Variants in HK1 observed in about 807,000 individuals in gnomAD.
The protein encoded by HK1 is hexokinase 1.
In HK1, 28 loss-of-function variants were observed where a neutral mutation model predicts 91.6. That is an observed-to-expected ratio of 0.31 (90% CI 0.23 to 0.42). The LOEUF is 0.42. Among genes scored for constraint, HK1 ranks in the 10% least tolerant of loss-of-function variants. The pLI is 1.00. For synonymous variants in HK1, 430 were observed against 468.1 expected (o/e 0.92, Z 1.05); for missense variants, 770 against 1,219.8 (o/e 0.63, Z 5.49).
At chr10:69,297,371 G>C (rs1845617690) in intron 4 of HK1, among the ~76,000 whole-genome samples, 1 of 152,150 alleles carries the variant, frequency 6.6e-6, no homozygotes, top group South Asian at 2.1e-4. Flanking sequence ...TCTCAGGGGT[G>C]GCAGAGGCAG....
At chr10:69,294,849 G>A (rs1411506792) in intron 3 of HK1, among the ~76,000 whole-genome samples, 5 of 151,846 alleles carry the variant, frequency 3.3e-5, no homozygotes, top group Non-Finnish European at 5.9e-5. Flanking sequence ...GCAACAGAGC[G>A]AGACTCCATC....
intron 4 of HK1, among the ~76,000 whole-genome samples, chr10:69,365,767 G>A (rs1010194640): frequency 1.3e-5 from 2 of 152,190 alleles, no homozygotes; most frequent in African/African-American, 4.8e-5. Flanking sequence ...TTGGGAGATC[G>A]AGGCTGCTGT....
chr10:69,398,684 T>C lies in HK1; in HGVS notation c.2465T>C (p.Val822Ala), dbSNP rs1242621241. The C allele has an allele frequency of 2.5e-6, 4 of 1,614,090 alleles. No homozygotes were observed. The highest frequency in any genetic ancestry group is 1.3e-5 in the African/African-American group (1 of 74,922). Reference protein sequence around the residue: ...TCDDSILVKTVCGVVSRRAAQ... With the variant: ...TCDDSILVKTACGVVSRRAAQ... ...GATGACAGTATCCTCGTCAAGACAG[T>C]GTGCGGGGTGGTGTCCAGGAGGGCC... Residue 822 changes from valine to alanine, a missense_variant, in exon 17 of 18, where the codon GTG becomes GCG. Physicochemically the swap from Val to Ala is moderately conservative, Grantham distance 64 (BLOSUM62 0). Coordinates refer to ENST00000359426, the MANE Select transcript of HK1 (RefSeq NM_000188.3).
intron 1 of HK1, among the ~76,000 whole-genome samples, chr10:69,324,145 T>A (rs1847195935): frequency 6.6e-6 from 1 of 152,210 alleles, no homozygotes; most frequent in Non-Finnish European, 1.5e-5. Flanking sequence ...GTATGCTTAT[T>A]GATTTGAAAA....
intron 1 of HK1, among the ~76,000 whole-genome samples, chr10:69,333,238 G>C (rs566388952): frequency 6.6e-6 from 1 of 152,356 alleles, no homozygotes; most frequent in South Asian, 2.1e-4. Context: ...CACCACTGCA[G>C]TATCTCCAAG....
chr10:69,288,681 C>A, exon 3 of HK1: 1 of 1,542,542 alleles, frequency 6.5e-7, no homozygotes, highest in South Asian at 1.1e-5. Flanking sequence ...GCGTTCAAGA[C>A]CCAGCTGTTG....
chr10:69,294,217 C>T (rs1039650617), intron 3 of HK1, among the ~76,000 whole-genome samples: 1 of 152,084 alleles, frequency 6.6e-6, no homozygotes, highest in Non-Finnish European at 1.5e-5. Context: ...TCCTATGAGC[C>T]CAAGCAAGTC....
rs895433132 is a variant in HK1, at chr10:69,340,035, C to G, written c.64-3792C>G. On this transcript the variant is annotated intron_variant, in intron 1 of 17. Coordinates refer to ENST00000359426, the MANE Select transcript of HK1 (RefSeq NM_000188.3). Reference sequence around the variant, plus strand: ...CACAAGAGAATTATATAGTATTATTCCAGGATCCAGCATTGTTTGAATTCC... The same window carrying G: ...CACAAGAGAATTATATAGTATTATTGCAGGATCCAGCATTGTTTGAATTCC... 1.1e-4 allele frequency among the ~76,000 whole-genome samples: 16 copies of G among 152,222 alleles called. 1 individual carries two copies. In the East Asian group the frequency reaches 3.1e-3, roughly 29 times the overall value.
intron 3 of HK1, among the ~76,000 whole-genome samples, chr10:69,363,658 C>T (rs182235307): frequency 4.6e-5 from 7 of 152,276 alleles, no homozygotes; most frequent in African/African-American, 1.7e-4. Flanking sequence ...GGATTACAGA[C>T]GTGAGCCACC....
intron 5 of HK1, among the ~76,000 whole-genome samples, chr10:69,303,687 G>A (rs987999552): frequency 1.2e-4 from 17 of 146,938 alleles, no homozygotes; most frequent in Non-Finnish European, 1.5e-5. Flanking sequence ...TCCTGGACAA[G>A]CTCCCAAACT....
chr10:69,373,317 G>A (rs1850114706), intron 7 of HK1, among the ~76,000 whole-genome samples: 1 of 152,198 alleles, frequency 6.6e-6, no homozygotes, highest in Non-Finnish European at 1.5e-5. Flanking sequence ...CAGTGGACAG[G>A]GAGGACATTG....
At chr10:69,321,493 C>T (rs1201348475) in intron 1 of HK1, among the ~76,000 whole-genome samples, 3 of 152,158 alleles carry the variant, frequency 2.0e-5, no homozygotes, top group Non-Finnish European at 2.9e-5. Flanking sequence ...AGGATGGTTC[C>T]CCCCCAGCGT....
At chr10:69,318,610 G>A (rs1358127190), upstream of HK1, among the ~76,000 whole-genome samples, 1 of 152,276 alleles carries the variant, frequency 6.6e-6, no homozygotes, top group South Asian at 2.1e-4. Context: ...GGGTCGGGGG[G>A]GATTTCGCTG....
At chr10:69,345,587 C>T (rs961355157) in intron 2 of HK1, among the ~76,000 whole-genome samples, 2 of 152,046 alleles carry the variant, frequency 1.3e-5, no homozygotes, top group African/African-American at 4.8e-5. Flanking sequence ...CAGGAGAGCA[C>T]CTGCTTTGGC....
chr10:69,330,126 A>G (rs1027561976), intron 1 of HK1, among the ~76,000 whole-genome samples: 1 of 151,952 alleles, frequency 6.6e-6, no homozygotes, highest in Non-Finnish European at 1.5e-5. Flanking sequence ...GATTCCATCA[A>G]TTGATTGACA....
intron 13 of HK1, among the ~76,000 whole-genome samples, chr10:69,387,727 G>A (rs1444690748): frequency 6.6e-6 from 1 of 152,112 alleles, no homozygotes; most frequent in African/African-American, 2.4e-5. Context: ...GTGTTGCAAT[G>A]AGTCAGTAAA....
At chr10:69,389,464 TCTGGC>T in intron 14 of HK1, 168 bp downstream of exon 14, 1 of 410,416 alleles carries the variant, frequency 2.4e-6, no homozygotes, top group Non-Finnish European at 4.9e-6. Flanking sequence ...CAGCAGAGTC[TCTGGC>T]GGGGGGAGGT....
chr10:69,339,871 G>T (rs1003038669), intron 1 of HK1, among the ~76,000 whole-genome samples: 6 of 152,190 alleles, frequency 3.9e-5, no homozygotes, highest in African/African-American at 1.4e-4. Flanking sequence ...CACTCCCCCA[G>T]CTGTGTGCTT....
intron 1 of HK1, among the ~76,000 whole-genome samples, chr10:69,321,062 ATAT>A (rs1420302700): frequency 6.6e-6 from 1 of 152,010 alleles, no homozygotes; most frequent in Admixed American, 6.5e-5. Context: ...TTTCCACCAG[ATAT>A]TATTTGTCAA....
Sources: gnomAD v4.1 joint callset for allele counts (sites outside exome capture counted in the v4.1 genomes callset) on GRCh38, gnomAD v4.1.1 for gene constraint, MANE v1.5 for transcripts, NCBI Gene and HGNC (gene_info 2026-07-23, HGNC 2026-07-21) for gene names.